Variants in SLC9C1 observed in about 807,000 individuals in gnomAD.
SLC9C1 encodes the protein solute carrier family 9 member C1.
In SLC9C1, 97 loss-of-function variants were observed where a neutral mutation model predicts 140.9. The ratio of observed to expected loss-of-function variants is 0.69; its 90% CI spans 0.58 to 0.82. The LOEUF (loss-of-function observed/expected upper bound fraction) is 0.82. Ranked by LOEUF, SLC9C1 falls within the 40% of genes least tolerant of loss-of-function variation. SLC9C1 has a pLI of 0.00. For synonymous variants in SLC9C1, 440 were observed against 442.6 expected, an observed-to-expected ratio of 0.99 and a Z score of 0.07; for missense variants, 1,340 against 1,389.3, an observed-to-expected ratio of 0.96 and a Z score of 0.56.
chr3:112,190,209 A>G (rs2077628183), intron 20 of SLC9C1, among the ~76,000 whole-genome samples: 2 of 152,136 alleles, frequency 1.3e-5, no homozygotes, highest in African/African-American at 4.8e-5. Flanking sequence ...TCTTTTCCTA[A>G]TGGAATACCC....
chr3:112,228,425 AC>A (rs2078736723), intron 13 of SLC9C1, among the ~76,000 whole-genome samples: 1 of 151,974 alleles, frequency 6.6e-6, no homozygotes, highest in African/African-American at 2.4e-5. Flanking sequence ...CAACTATGAA[AC>A]CACTAGAAGA....
chr3:112,206,970 T>G (rs1177719968), intron 16 of SLC9C1, among the ~76,000 whole-genome samples: 2 of 152,162 alleles, frequency 1.3e-5, no homozygotes, highest in Admixed American at 6.5e-5. Flanking sequence ...GTTGTGCACA[T>G]GTACCCTAGA....
intron 10 of SLC9C1, among the ~76,000 whole-genome samples, chr3:112,244,380 C>T (rs1328476379): frequency 6.6e-6 from 1 of 152,204 alleles, no homozygotes; most frequent in Non-Finnish European, 1.5e-5. Flanking sequence ...TCCACTGTTG[C>T]ACTTCCTGGT....
chr3:112,269,379 G>A (rs987832266), intron 7 of SLC9C1, among the ~76,000 whole-genome samples: 1 of 152,158 alleles, frequency 6.6e-6, no homozygotes, highest in Non-Finnish European at 1.5e-5. Flanking sequence ...CAAGGTGCTA[G>A]GATTATAGGC....
intron 20 of SLC9C1, among the ~76,000 whole-genome samples, chr3:112,189,964 G>T (rs1398712327): frequency 6.6e-6 from 1 of 152,082 alleles, no homozygotes; most frequent in Non-Finnish European, 1.5e-5. Context: ...TTGTAAGTTG[G>T]ATTCCTAGGT....
At chr3:112,258,586 A>G (rs1330177263) in intron 10 of SLC9C1, among the ~76,000 whole-genome samples, 1 of 151,954 alleles carries the variant, frequency 6.6e-6, no homozygotes, top group East Asian at 1.9e-4. Context: ...GGTGCGCACC[A>G]CCACACAGGC....
chr3:112,289,888 A>G (rs1470535181), intron 1 of SLC9C1, among the ~76,000 whole-genome samples: 5 of 152,304 alleles, frequency 3.3e-5, no homozygotes, highest in South Asian at 2.1e-4. Flanking sequence ...TTGGCCACAC[A>G]TGGAATCACG....
intron 10 of SLC9C1, among the ~76,000 whole-genome samples, chr3:112,251,126 A>G (rs1166111390): frequency 6.6e-6 from 1 of 152,276 alleles, no homozygotes; most frequent in East Asian, 1.9e-4. Flanking sequence ...CACCTCTATC[A>G]TGGAGAGAAA....
chr3:112,187,986 AAT>A lies in SLC9C1; in HGVS notation c.2524-5730_2524-5729del, dbSNP rs545275445. 7.9e-5 allele frequency among the ~76,000 whole-genome samples: 12 copies of A among 152,058 alleles called. No individual in the cohort carries two copies. The East Asian group carries it at 2.1e-3, about 27-fold the overall frequency. On this transcript the variant is annotated intron_variant, in intron 20 of 28. Coordinates refer to ENST00000305815, the MANE Select transcript of SLC9C1 (RefSeq NM_183061.3). Reference sequence around the variant, plus strand: ...TTAAAATTCTTGTTTATTTACATATAATGTTATTTATGTTTCCATATATGTTT... The same window carrying A: ...TTAAAATTCTTGTTTATTTACATATAGTTATTTATGTTTCCATATATGTTT...
chr3:112,282,869 G>A (rs764142564), intron 2 of SLC9C1, among the ~76,000 whole-genome samples: 2 of 151,860 alleles, frequency 1.3e-5, no homozygotes. Flanking sequence ...TTTATAGAGG[G>A]GAAAAATTAT....
At chr3:112,220,562 AC>A (rs1266268076) in intron 14 of SLC9C1, among the ~76,000 whole-genome samples, 1 of 152,034 alleles carries the variant, frequency 6.6e-6, no homozygotes, top group African/African-American at 2.4e-5. Flanking sequence ...CTGCAGTTTA[AC>A]CCCCCTCTTT....
In SLC9C1 at chr3:112,182,269, A is replaced by C. The variant is rs376662819; in HGVS notation, c.2524-11T>G. 1.9e-5 allele frequency: 30 copies of C among 1,592,618 alleles called. No individual in the cohort carries two copies. Among genetic ancestry groups the C allele is most frequent in the Admixed American group, 1.1e-4 (6 of 56,118 alleles). On this transcript the variant is annotated splice_polypyrimidine_tract_variant and intron_variant, in intron 20 of 28. Transcript: ENST00000305815. ...TTTGGCCATGATTAACTAAAACATA[A>C]AATTTAAGAAAAGGGATGAACCAAA... is the stretch of plus-strand genomic sequence containing the variant.
At chr3:112,247,482 T>A (rs1022710664) in intron 10 of SLC9C1, among the ~76,000 whole-genome samples, 4 of 152,212 alleles carry the variant, frequency 2.6e-5, no homozygotes, top group African/African-American at 9.6e-5. Flanking sequence ...TTGTCACTTA[T>A]GACATCTCTG....
intron 26 of SLC9C1, among the ~76,000 whole-genome samples, chr3:112,163,665 A>G (rs2075374701): frequency 6.6e-6 from 1 of 152,056 alleles, no homozygotes; most frequent in East Asian, 1.9e-4. Flanking sequence ...GTTCTTTTAC[A>G]TTTGCTGAGG....
intron 18 of SLC9C1, among the ~76,000 whole-genome samples, chr3:112,201,592 G>A (rs924683675): frequency 9.2e-5 from 14 of 151,902 alleles, no homozygotes; most frequent in Non-Finnish European, 1.8e-4. Flanking sequence ...GGCACATATC[G>A]GTTTTAATCT....
At chr3:112,213,242 C>T (rs577133433) in intron 15 of SLC9C1, among the ~76,000 whole-genome samples, 3 of 152,264 alleles carry the variant, frequency 2.0e-5, no homozygotes, top group South Asian at 4.1e-4. Context: ...GTAGCAGCCA[C>T]AGCAAAAACA....
chr3:112,236,862 G>T (rs1230569611), intron 12 of SLC9C1, among the ~76,000 whole-genome samples: 2 of 152,184 alleles, frequency 1.3e-5, no homozygotes, highest in Non-Finnish European at 2.9e-5. Flanking sequence ...TTTTACATTT[G>T]CTGAGGAGTG....
chr3:112,210,300 G>T (rs1219648710), intron 15 of SLC9C1, among the ~76,000 whole-genome samples: 2 of 152,158 alleles, frequency 1.3e-5, no homozygotes, highest in Non-Finnish European at 2.9e-5. Context: ...ATAAAATGTG[G>T]TATATATACC....
chr3:112,212,987 A>C (rs1409359132), intron 15 of SLC9C1, among the ~76,000 whole-genome samples: 1 of 152,262 alleles, frequency 6.6e-6, no homozygotes, highest in East Asian at 1.9e-4. Flanking sequence ...AGGGAAGCCC[A>C]TCAGAATAAT....
Sources: allele counts gnomAD v4.1 joint callset (sites outside exome capture counted in the v4.1 genomes callset), GRCh38; gene constraint gnomAD v4.1.1; transcripts MANE v1.5; gene names NCBI Gene and HGNC (gene_info 2026-07-23, HGNC 2026-07-21).